Variants in SGMS1 observed in about 807,000 individuals in gnomAD.
SGMS1 encodes the protein sphingomyelin synthase 1.
SGMS1 carries 13 observed loss-of-function variants against 46.2 expected under a neutral mutation model. The observed-to-expected ratio is 0.28, with a 90% CI of 0.18 to 0.45. The LOEUF is 0.45. SGMS1 is among the 20% of genes least tolerant of loss of function. The pLI is 1.00. For missense variants in SGMS1, 324 were observed against 519.9 expected, an observed-to-expected ratio of 0.62 and a Z score of 3.66; for synonymous variants, 203 against 187.8, an observed-to-expected ratio of 1.08 and a Z score of -0.66.
At chr10:50,381,060 C>T (rs1848596854) in intron 6 of SGMS1, among the ~76,000 whole-genome samples, 1 of 151,112 alleles carries the variant, frequency 6.6e-6, no homozygotes, top group South Asian at 2.1e-4. Flanking sequence ...AACTCCTGCA[C>T]TCAAGTGATC....
chr10:50,364,582 A>T (rs1487922729), intron 6 of SGMS1, among the ~76,000 whole-genome samples: 1 of 152,198 alleles, frequency 6.6e-6, no homozygotes, highest in East Asian at 1.9e-4. Context: ...GATATCCAAA[A>T]GTAGAGTTTT....
chr10:50,348,551 G>A (rs1183539918), intron 6 of SGMS1, among the ~76,000 whole-genome samples: 3 of 152,092 alleles, frequency 2.0e-5, no homozygotes, highest in Non-Finnish European at 4.4e-5. Context: ...AATCATGAGT[G>A]AACTCCCATT....
intron 1 of SGMS1, among the ~76,000 whole-genome samples, chr10:50,606,275 T>C (rs1838693346): frequency 6.6e-6 from 1 of 152,174 alleles, no homozygotes; most frequent in South Asian, 2.1e-4. Context: ...AATTCGCATA[T>C]ACAGAAAGTA....
At chr10:50,344,455 A>C (rs1847880931) in intron 6 of SGMS1, 110 bp from the exon 7 acceptor site, 1 of 210,262 alleles carries the variant, frequency 4.8e-6, no homozygotes, top group African/African-American at 2.3e-5. Context: ...TGGTAAACTT[A>C]ATAGTTTTCA....
At chr10:50,371,882 C>A (rs1848440825) in intron 6 of SGMS1, among the ~76,000 whole-genome samples, 1 of 152,160 alleles carries the variant, frequency 6.6e-6, no homozygotes, top group Non-Finnish European at 1.5e-5. Flanking sequence ...TATAAGGGAA[C>A]CATTCCTGTG....
chr10:50,537,087 T>C (rs1256153613), intron 2 of SGMS1, among the ~76,000 whole-genome samples: 1 of 152,222 alleles, frequency 6.6e-6, no homozygotes, highest in African/African-American at 2.4e-5. Context: ...TGCATTTCTC[T>C]CAAGCTCCTT....
At chr10:50,370,154 G>A (rs887050817) in intron 6 of SGMS1, among the ~76,000 whole-genome samples, 1 of 152,244 alleles carries the variant, frequency 6.6e-6, no homozygotes, top group Middle Eastern at 3.4e-3. Flanking sequence ...TGAAGGCCTA[G>A]GACATTACTG....
At chr10:50,375,889 G>T (rs1848515602) in intron 6 of SGMS1, among the ~76,000 whole-genome samples, 1 of 151,936 alleles carries the variant, frequency 6.6e-6, no homozygotes, top group Non-Finnish European at 1.5e-5. Context: ...AAGAGATGGG[G>T]TCTCACTATG....
chr10:50,312,486 G>C (rs896032910), intron 8 of SGMS1, among the ~76,000 whole-genome samples: 1 of 152,004 alleles, frequency 6.6e-6, no homozygotes, highest in Non-Finnish European at 1.5e-5. Flanking sequence ...TTAGAATCTG[G>C]GGACTAAGAA....
intron 9 of SGMS1, 137 bp downstream of exon 9, chr10:50,311,125 A>T: frequency 1.0e-6 from 1 of 983,526 alleles, no homozygotes; most frequent in Non-Finnish European, 1.5e-6. Flanking sequence ...TTGCATGGCG[A>T]TGAGATGAAG....
At chr10:50,371,016 AT>A (rs1848427579) in intron 6 of SGMS1, among the ~76,000 whole-genome samples, 1 of 152,224 alleles carries the variant, frequency 6.6e-6, no homozygotes, top group African/African-American at 2.4e-5. Flanking sequence ...TACATAAACC[AT>A]TAACAGAGCC....
chr10:50,391,605 T>A (rs1219202116), intron 6 of SGMS1, among the ~76,000 whole-genome samples: 1 of 152,108 alleles, frequency 6.6e-6, no homozygotes, highest in African/African-American at 2.4e-5. Context: ...GGAAAGCAGT[T>A]TGGTGATTTC....
chr10:50,355,375 C>A (rs962805875), intron 6 of SGMS1, among the ~76,000 whole-genome samples: 2 of 152,234 alleles, frequency 1.3e-5, no homozygotes, highest in African/African-American at 4.8e-5. Context: ...AACCTCCCTG[C>A]CTGATTCTCC....
chr10:50,624,071 G>T, upstream of SGMS1: 3 of 985,396 alleles, frequency 3.0e-6, no homozygotes, highest in Non-Finnish European at 3.6e-6. Flanking sequence ...GGGGTCCGCG[G>T]GGGGCTCCTC....
chr10:50,592,813 A>G (rs1390944265), intron 1 of SGMS1, among the ~76,000 whole-genome samples: 1 of 151,036 alleles, frequency 6.6e-6, no homozygotes, highest in Non-Finnish European at 1.5e-5. Flanking sequence ...CACTATTACT[A>G]AAGAAAAATG....
intron 3 of SGMS1, among the ~76,000 whole-genome samples, chr10:50,507,634 T>C (rs927047): frequency 0.34 from 51,591 of 152,082 alleles, 8,915 homozygotes; most frequent in Admixed American, 0.41. Context: ...TCCTATCACT[T>C]GCATCCAACT....
intron 3 of SGMS1, among the ~76,000 whole-genome samples, chr10:50,507,137 A>G (rs1016794605): frequency 6.6e-6 from 1 of 152,212 alleles, no homozygotes; most frequent in Non-Finnish European, 1.5e-5. Flanking sequence ...CAAAAGCTCT[A>G]TCCCTGTCAG....
intron 6 of SGMS1, among the ~76,000 whole-genome samples, chr10:50,399,985 C>T (rs1490439571): frequency 6.0e-5 from 9 of 149,644 alleles, no homozygotes; most frequent in African/African-American, 1.7e-4. Context: ...GCCGGGATCG[C>T]GCCACTGCAC....
intron 3 of SGMS1, among the ~76,000 whole-genome samples, chr10:50,468,092 T>A (rs1456695203): frequency 6.6e-6 from 1 of 152,178 alleles, no homozygotes; most frequent in African/African-American, 2.4e-5. Context: ...AACAAGCTAG[T>A]CTGTGCTAGA....
Sources: allele counts gnomAD v4.1 joint callset (sites outside exome capture counted in the v4.1 genomes callset), GRCh38; gene constraint gnomAD v4.1.1; transcripts MANE v1.5; gene names NCBI Gene and HGNC (gene_info 2026-07-23, HGNC 2026-07-21).